MYO5A: variants seen among roughly 807,000 people sequenced by gnomAD.
MYO5A encodes the protein myosin VA.
In MYO5A, 98 loss-of-function variants were observed where a neutral mutation model predicts 249.7. The observed-to-expected ratio is 0.39, with a 90% CI of 0.33 to 0.46. The LOEUF is 0.46. MYO5A is among the 20% of genes least tolerant of loss of function. The pLI, the probability that MYO5A is intolerant of heterozygous loss-of-function variation, is 0.98. For missense variants in MYO5A, 1,696 were observed against 2,308.8 expected (o/e 0.73, Z 5.44); for synonymous variants, 778 against 810.6 (o/e 0.96, Z 0.68).
At chr15:52,452,503 C>A (rs1320383092) in intron 1 of MYO5A, among the ~76,000 whole-genome samples, 1 of 152,102 alleles carries the variant, frequency 6.6e-6, no homozygotes, top group Non-Finnish European at 1.5e-5. Context: ...GGATATAGGA[C>A]CATCATCCTG....
intron 1 of MYO5A, among the ~76,000 whole-genome samples, chr15:52,468,991 C>T (rs2076405189): frequency 6.6e-6 from 1 of 151,998 alleles, no homozygotes; most frequent in African/African-American, 2.4e-5. Context: ...TATACATATC[C>T]TTGAATCAGA....
At chr15:52,489,032 T>C (rs931256985) in intron 1 of MYO5A, among the ~76,000 whole-genome samples, 1 of 152,218 alleles carries the variant, frequency 6.6e-6, no homozygotes, top group Admixed American at 6.5e-5. Context: ...GGCGTGTACA[T>C]GCACCATTAG....
chr15:52,353,136 G>A (rs1303553920), intron 27 of MYO5A, among the ~76,000 whole-genome samples: 1 of 152,190 alleles, frequency 6.6e-6, no homozygotes, highest in Non-Finnish European at 1.5e-5. Flanking sequence ...CTTCCAACAA[G>A]CTACCAGGTG....
At chr15:52,457,644 C>G (rs2076146444) in intron 1 of MYO5A, among the ~76,000 whole-genome samples, 1 of 152,030 alleles carries the variant, frequency 6.6e-6, no homozygotes, top group Non-Finnish European at 1.5e-5. Flanking sequence ...AAAGGAAATT[C>G]TTATACATTG....
intron 1 of MYO5A, among the ~76,000 whole-genome samples, chr15:52,473,935 A>C: frequency 6.6e-6 from 1 of 152,214 alleles, no homozygotes; most frequent in East Asian, 1.9e-4. Flanking sequence ...GAAGAAAGTC[A>C]TTGGTAGCTT....
intron 4 of MYO5A, 26 bp from the exon 5 acceptor site, chr15:52,416,327 G>T (rs751337069): frequency 6.2e-7 from 1 of 1,609,624 alleles, no homozygotes; most frequent in East Asian, 2.2e-5. Context: ...TTTTTAAAAA[G>T]TAACTGCCAT....
At position 52,391,930 on chromosome 15, in the gene MYO5A, C is replaced by T; in HGVS notation, c.1542G>A (p.Lys514=). ...AAGTACCCCAGGAAATCATACTTAC[C>T]TTGCATTCCTCATCCAGTAAATCTA... is the stretch of plus-strand genomic sequence containing the variant. The part of the protein sequence containing the change: ...GILDLLDEEC[K]MPKGTDDTWA... Residue 514 remains lysine, a splice_region_variant and synonymous_variant, in exon 12 of 42, where the codon AAG becomes AAA. Coordinates refer to ENST00000399233, the MANE Select transcript of MYO5A (RefSeq NM_001382347.1). The T allele has an allele frequency of 6.2e-7, 1 of 1,612,392 alleles. No homozygotes were observed. The highest frequency in any genetic ancestry group is 8.5e-7 in the Non-Finnish European group (1 of 1,179,114).
chr15:52,463,412 G>A (rs950105640), intron 1 of MYO5A, among the ~76,000 whole-genome samples: 1 of 152,118 alleles, frequency 6.6e-6, no homozygotes, highest in Non-Finnish European at 1.5e-5. Flanking sequence ...TATTTCTTAA[G>A]ACATATAAAA....
intron 34 of MYO5A, among the ~76,000 whole-genome samples, chr15:52,333,988 T>C (rs1261053793): frequency 1.3e-5 from 2 of 152,220 alleles, no homozygotes; most frequent in East Asian, 3.8e-4. Context: ...CCTCTAGATA[T>C]GTATCACTTA....
intron 12 of MYO5A, among the ~76,000 whole-genome samples, chr15:52,390,108 T>TA (rs1217913036): frequency 1.3e-5 from 2 of 152,062 alleles, no homozygotes; most frequent in African/African-American, 4.8e-5. Context: ...CCTATGAAGA[T>TA]AAAGAATAGA....
chr15:52,506,237 C>G (rs2646033), intron 1 of MYO5A, among the ~76,000 whole-genome samples: 142,759 of 152,206 alleles, frequency 0.94, 67,639 homozygotes, highest in East Asian at 1. Flanking sequence ...TGTAGTCCCA[C>G]CTACTTGGGA....
chr15:52,322,672 T>C (rs938968234), intron 37 of MYO5A, among the ~76,000 whole-genome samples: 1 of 152,196 alleles, frequency 6.6e-6, no homozygotes, highest in Non-Finnish European at 1.5e-5. Context: ...TTTGAAATAT[T>C]TGAAGTCTAT....
At chr15:52,419,734 C>A (rs942896572) in intron 4 of MYO5A, among the ~76,000 whole-genome samples, 2 of 152,124 alleles carry the variant, frequency 1.3e-5, no homozygotes, top group African/African-American at 4.8e-5. Flanking sequence ...CTATCAGATC[C>A]TCTCAAATCA....
intron 20 of MYO5A, 132 bp downstream of exon 20, chr15:52,375,172 A>C: frequency 2.2e-6 from 2 of 895,144 alleles, no homozygotes; most frequent in Non-Finnish European, 3.4e-6. Context: ...AAATAAATAA[A>C]TATGCATTTC....
intron 4 of MYO5A, among the ~76,000 whole-genome samples, chr15:52,420,032 A>G (rs188870335): frequency 7.6e-4 from 115 of 152,262 alleles, no homozygotes; most frequent in Admixed American, 1.2e-3. Context: ...TAGGCCAGGC[A>G]TGGTGGCTCA....
Position 52,469,454 on chromosome 15 carries a change from C to T in MYO5A, c.28-36169G>A, listed in dbSNP as rs138282512. ...AGTGGAGAATCATAAAGGTGTTCAC[C>T]TTGTCATCTTCATACTGAGTAGGCT... On this transcript the variant is annotated intron_variant, in intron 1 of 41. Transcript: ENST00000399233. 4.5e-4 allele frequency among the ~76,000 whole-genome samples: 68 copies of T among 152,100 alleles called. 1 individual carries two copies. In the East Asian group the frequency reaches 7.2e-3, roughly 16 times the overall value.
In MYO5A at chr15:52,323,441, T is replaced by C. The variant is rs2140936512; in HGVS notation, c.4714A>G (p.Arg1572Gly). The change falls in exon 37 of 42, where the codon AGA becomes GGA. Residue 1572 changes from arginine (R) to glycine (G), a missense_variant. This residue lies in a region of MYO5A where 625 missense variants were observed against 908.1 expected (regional missense o/e 0.69). Transcript: ENST00000399233. ...GAGACGGTTTCAAAATCATCACCTC[T>C]TTTCTGAAAGAGAGAATAAGTCTAA... ...INSIKKVLKKRGDDFETVSFW... is the reference protein window; with the variant it reads ...INSIKKVLKKGGDDFETVSFW... 6.2e-7 allele frequency: 1 copy of C among 1,612,054 alleles called. No homozygotes were observed.
intron 1 of MYO5A, among the ~76,000 whole-genome samples, chr15:52,525,324 A>G (rs2077711405): frequency 6.6e-6 from 1 of 152,254 alleles, no homozygotes; most frequent in African/African-American, 2.4e-5. Context: ...TTAAAAATCA[A>G]CAAAACATGT....
At chr15:52,459,838 C>T (rs1164917498) in intron 1 of MYO5A, among the ~76,000 whole-genome samples, 1 of 142,876 alleles carries the variant, frequency 7.0e-6, no homozygotes, top group African/African-American at 2.6e-5. Context: ...GAGGGGCCCC[C>T]GATCTCCCAG....
Sources: allele counts gnomAD v4.1 joint callset (sites outside exome capture counted in the v4.1 genomes callset), GRCh38; gene constraint gnomAD v4.1.1; regional missense constraint gnomAD v4.1.1; transcripts MANE v1.5; gene names NCBI Gene and HGNC (gene_info 2026-07-23, HGNC 2026-07-21).